Variants in MAP3K7 observed in about 807,000 individuals in gnomAD.
MAP3K7 encodes mitogen-activated protein kinase kinase kinase 7, also known as TGF-beta activated kinase 1.
In MAP3K7, 21 loss-of-function variants were observed where a neutral mutation model predicts 84.8. The ratio of observed to expected loss-of-function variants is 0.25; its 90% confidence interval spans 0.18 to 0.36. MAP3K7 has a LOEUF of 0.36. MAP3K7 is among the 10% of genes least tolerant of loss of function. MAP3K7 has a pLI of 1.00. For synonymous variants in MAP3K7, 241 were observed against 247.7 expected, an observed-to-expected ratio of 0.97 and a Z score of 0.25; for missense variants, 503 against 747.7, an observed-to-expected ratio of 0.67 and a Z score of 3.82.
intron 16 of MAP3K7, among the ~76,000 whole-genome samples, chr6:90,517,702 T>C (rs534091608): frequency 6.6e-6 from 1 of 151,942 alleles, no homozygotes; most frequent in African/African-American, 2.4e-5. Context: ...CAATAAATTA[T>C]GATAAAACAA....
At chr6:90,556,926 C>A (rs142671993) in intron 5 of MAP3K7, among the ~76,000 whole-genome samples, 1 of 152,048 alleles carries the variant, frequency 6.6e-6, no homozygotes, top group South Asian at 2.1e-4. Context: ...CAAAATAAAA[C>A]GTGGGGTTTA....
rs1419212723 is a variant in MAP3K7, at chr6:90,556,133, A to C, written c.607+367T>G. Among the ~76,000 whole-genome samples, 7 of 152,224 alleles carry C rather than the reference A, an allele frequency of 4.6e-5. No homozygotes were observed. In the East Asian group the frequency reaches 1.3e-3, roughly 29 times the overall value. On this transcript the variant is annotated intron_variant, in intron 6 of 16. Coordinates refer to ENST00000369329, the MANE Select transcript of MAP3K7 (RefSeq NM_145331.3). ...GGAAGCATGCGTTAGATGACTCAAA[A>C]TTTGCACTGCTCAGCGCATGCACAC...
intron 4 of MAP3K7, among the ~76,000 whole-genome samples, chr6:90,561,271 C>T (rs1056615006): frequency 6.7e-6 from 1 of 149,520 alleles, no homozygotes; most frequent in African/African-American, 2.5e-5. Flanking sequence ...AGAGTGAAAT[C>T]GAAATATGGT....
intron 1 of MAP3K7, among the ~76,000 whole-genome samples, chr6:90,579,879 A>C (rs973320843): frequency 6.6e-6 from 1 of 152,172 alleles, no homozygotes; most frequent in Non-Finnish European, 1.5e-5. Context: ...ACAAACAAAA[A>C]ATTGTGGACA....
At chr6:90,518,354 T>C (rs1775039001) in intron 16 of MAP3K7, 93 bp downstream of exon 16, 1 of 699,414 alleles carries the variant, frequency 1.4e-6, no homozygotes, top group African/African-American at 1.8e-5. Flanking sequence ...ACTTAATGAC[T>C]AATTCTAAAA....
chr6:90,536,186 TC>T (rs574918301), intron 13 of MAP3K7, 150 bp downstream of exon 13: 152 of 547,000 alleles, frequency 2.8e-4, no homozygotes, highest in Admixed American at 4.3e-4. Flanking sequence ...TATGTTTTTT[TC>T]CCCCCTAAGT....
At chr6:90,526,226 T>G (rs1468964744) in intron 13 of MAP3K7, among the ~76,000 whole-genome samples, 1 of 152,152 alleles carries the variant, frequency 6.6e-6, no homozygotes, top group Admixed American at 6.5e-5. Context: ...CAGTAAAACT[T>G]GAACTCCATA....
At position 90,551,057 on chromosome 6, in the gene MAP3K7, C is replaced by T. The variant is rs1776164987; in HGVS notation, c.868-508G>A. 3.3e-5 allele frequency: 5 copies of T among 152,796 alleles called. No homozygotes were observed. In the South Asian group the frequency reaches 8.2e-4, roughly 25 times the overall value. The allele number at this position is 152,796 out of a possible 1,614,324, so 9.5% of individuals were successfully genotyped here. A position where few individuals can be genotyped will look rare whatever the true frequency, so the allele number is the denominator to read the frequency against. ...GGAAACGTATTCTCCTCAAATTAGA[C>T]AAGGAACAGAGAAGCAAAATTACAA... On this transcript the variant is annotated intron_variant, in intron 8 of 16. Coordinates refer to ENST00000369329, the MANE Select transcript of MAP3K7 (RefSeq NM_145331.3).
chr6:90,562,149 T>C (rs1052948036), intron 3 of MAP3K7, among the ~76,000 whole-genome samples: 1 of 152,230 alleles, frequency 6.6e-6, no homozygotes, highest in Non-Finnish European at 1.5e-5. Context: ...AGTCTACAGC[T>C]ACCAGCGTAA....
chr6:90,560,380 T>C (rs1429204039), intron 4 of MAP3K7, among the ~76,000 whole-genome samples, 166 bp from the exon 5 acceptor site: 2 of 152,240 alleles, frequency 1.3e-5, no homozygotes, highest in Admixed American at 1.3e-4. Context: ...TTTTGTTTTT[T>C]GAGACGGACT....
intron 13 of MAP3K7, among the ~76,000 whole-genome samples, chr6:90,527,671 CA>C (rs1775365726): frequency 6.6e-6 from 1 of 152,096 alleles, no homozygotes; most frequent in African/African-American, 2.4e-5. Context: ...CAGGGAAGGC[CA>C]CAGGCGAGGA....
intron 14 of MAP3K7, among the ~76,000 whole-genome samples, chr6:90,522,746 T>C (rs567101034): frequency 6.6e-6 from 1 of 152,300 alleles, no homozygotes; most frequent in African/African-American, 2.4e-5. Flanking sequence ...AATTAAATTA[T>C]AAACTTGACC....
intron 13 of MAP3K7, among the ~76,000 whole-genome samples, chr6:90,525,123 A>G (rs1249766230): frequency 6.6e-6 from 1 of 152,088 alleles, no homozygotes; most frequent in African/African-American, 2.4e-5. Context: ...AAAAAATCAG[A>G]TTGTCAGGAT....
At chr6:90,534,013 G>A (rs1775588630) in intron 13 of MAP3K7, among the ~76,000 whole-genome samples, 1 of 152,256 alleles carries the variant, frequency 6.6e-6, no homozygotes, top group Non-Finnish European at 1.5e-5. Context: ...TTTTAATTAA[G>A]AAGCTTGCTT....
chr6:90,586,919 G>A lies in MAP3K7; in HGVS notation c.-36C>T, dbSNP rs1777483597. ...GGCGCCCGGTGGGGCCGGGAACGGT[G>A]CCACCCGGACAATCCGGGTGAGACC... On this transcript the variant is annotated 5_prime_UTR_variant, in exon 1 of 17. Coordinates refer to ENST00000369329, the MANE Select transcript of MAP3K7 (RefSeq NM_145331.3). The A allele has an allele frequency of 6.3e-7, 1 of 1,585,306 alleles. No individual in the cohort carries two copies. The highest frequency in any genetic ancestry group is 8.5e-7 in the Non-Finnish European group (1 of 1,170,436).
chr6:90,552,119 C>T lies in MAP3K7; in HGVS notation c.797G>A (p.Cys266Tyr). 6.2e-7 allele frequency: 1 copy of T among 1,613,088 alleles called. No homozygotes were observed. Among genetic ancestry groups the T allele is most frequent in the Non-Finnish European group, 8.5e-7 (1 of 1,179,286 alleles). Residue 266 changes from cysteine to tyrosine, a missense_variant, in exon 8 of 17, where the codon TGT (cysteine) becomes TAT (tyrosine). Transcript: ENST00000369329. ...GCGCTGGGAAGGATCTTTAGACCAA[C>T]AACGAGTCATCAGGCTCTCAATGGG... is the stretch of plus-strand genomic sequence containing the variant. ...PKPIESLMTR[C>Y]WSKDPSQRPS...
At chr6:90,585,716 A>G (rs1199193476) in intron 1 of MAP3K7, among the ~76,000 whole-genome samples, 1 of 151,648 alleles carries the variant, frequency 6.6e-6, no homozygotes. Context: ...AAAATAAATT[A>G]CTGCAGAATA....
intron 1 of MAP3K7, among the ~76,000 whole-genome samples, chr6:90,577,884 A>G (rs1023562692): frequency 6.6e-6 from 1 of 152,226 alleles, no homozygotes; most frequent in African/African-American, 2.4e-5. Flanking sequence ...ATCCATTAAC[A>G]ACAGATAATA....
intron 5 of MAP3K7, 75 bp downstream of exon 5, chr6:90,559,999 TAG>T (rs1182923166): frequency 4.6e-6 from 7 of 1,535,582 alleles, no homozygotes; most frequent in Non-Finnish European, 6.3e-6. Flanking sequence ...GAGCTTGAAT[TAG>T]AGAGTGGGTT....
Sources: allele counts gnomAD v4.1 joint callset (sites outside exome capture counted in the v4.1 genomes callset), GRCh38; gene constraint gnomAD v4.1.1; transcripts MANE v1.5; gene names NCBI Gene and HGNC (gene_info 2026-07-23, HGNC 2026-07-21).